Variants in SORCS1 observed in about 807,000 individuals in gnomAD.
The protein encoded by SORCS1 is sortilin related VPS10 domain containing receptor 1.
SORCS1 carries 60 observed loss-of-function variants against 146.1 expected under a neutral mutation model. That is an observed-to-expected ratio of 0.41 (90% CI 0.33 to 0.51). The LOEUF (loss-of-function observed/expected upper bound fraction) is 0.51, where lower values mean the gene tolerates loss of function less well. Ranked by LOEUF, SORCS1 falls within the 20% of genes least tolerant of loss-of-function variation. The pLI is 0.21. For missense variants in SORCS1, 1,352 were observed against 1,487.6 expected, an observed-to-expected ratio of 0.91 and a Z score of 1.50; for synonymous variants, 637 against 584.0, an observed-to-expected ratio of 1.09 and a Z score of -1.31.
chr10:106,782,076 C>T (rs1370874375), intron 3 of SORCS1, among the ~76,000 whole-genome samples: 8 of 152,036 alleles, frequency 5.3e-5, no homozygotes, highest in Non-Finnish European at 8.8e-5. Flanking sequence ...CACAAAATCG[C>T]GTCATTCAAT....
In SORCS1 at chr10:106,995,540, C is replaced by G. The variant is rs997180738; in HGVS notation, c.559-38960G>C. Among the ~76,000 whole-genome samples the G allele has an allele frequency of 2.0e-5, 3 of 152,078 alleles. No individual in the cohort carries two copies. The East Asian group carries it at 5.8e-4, about 29-fold the overall frequency. ...AGTTGGGAAGGTATGGGGAAAAAAACGTCCTGCGTGGCTGTGGAATTTTGC... is the reference window on the plus strand; with the variant it reads ...AGTTGGGAAGGTATGGGGAAAAAAAGGTCCTGCGTGGCTGTGGAATTTTGC... On this transcript the variant is annotated intron_variant, in intron 1 of 25. Transcript: ENST00000263054.
At chr10:107,087,793 G>A (rs1234734692) in intron 1 of SORCS1, among the ~76,000 whole-genome samples, 1 of 152,190 alleles carries the variant, frequency 6.6e-6, no homozygotes. Context: ...AATAAATATC[G>A]GCTTAGGCCT....
At chr10:106,629,008 C>T (rs1035591368) in intron 19 of SORCS1, among the ~76,000 whole-genome samples, 194 bp downstream of exon 19, 1 of 152,074 alleles carries the variant, frequency 6.6e-6, no homozygotes, top group South Asian at 2.1e-4. Flanking sequence ...CCAGAGAGTC[C>T]AGGATTAATC....
chr10:106,742,084 T>C (rs1325218574), intron 5 of SORCS1, among the ~76,000 whole-genome samples: 2 of 152,158 alleles, frequency 1.3e-5, no homozygotes, highest in Non-Finnish European at 2.9e-5. Flanking sequence ...ATCCAGTCAG[T>C]AAAGCTTGGA....
At chr10:106,774,091 T>A (rs1461981773) in intron 4 of SORCS1, among the ~76,000 whole-genome samples, 2 of 152,210 alleles carry the variant, frequency 1.3e-5, no homozygotes, top group African/African-American at 4.8e-5. Flanking sequence ...CTTGGCCTCA[T>A]ACAGAAAAAC....
At chr10:106,816,219 C>T (rs2136863187) in intron 3 of SORCS1, among the ~76,000 whole-genome samples, 1 of 152,294 alleles carries the variant, frequency 6.6e-6, no homozygotes, top group East Asian at 1.9e-4. Context: ...TTTTATTTCT[C>T]TAAATTAGCA....
At chr10:106,654,199 G>A (rs939797980) in intron 17 of SORCS1, among the ~76,000 whole-genome samples, 1 of 152,156 alleles carries the variant, frequency 6.6e-6, no homozygotes, top group African/African-American at 2.4e-5. Context: ...TTTAGAGAGT[G>A]CTTACTATGT....
chr10:106,942,413 T>C (rs1011465862), intron 2 of SORCS1, among the ~76,000 whole-genome samples: 2 of 152,140 alleles, frequency 1.3e-5, no homozygotes, highest in Non-Finnish European at 2.9e-5. Context: ...TGCCTTCTTG[T>C]GTGTTACACA....
chr10:106,706,473 G>T, intron 8 of SORCS1, 72 bp downstream of exon 8: 1 of 1,436,108 alleles, frequency 7.0e-7, no homozygotes, highest in Non-Finnish European at 9.8e-7. Flanking sequence ...AAGAGTCCTT[G>T]GGAAAGGGAT....
At chr10:106,992,604 C>G (rs1450796345) in intron 1 of SORCS1, among the ~76,000 whole-genome samples, 1 of 151,904 alleles carries the variant, frequency 6.6e-6, no homozygotes, top group Non-Finnish European at 1.5e-5. Context: ...CAGTGCTCCT[C>G]CCACCTCAGC....
intron 18 of SORCS1, among the ~76,000 whole-genome samples, chr10:106,632,291 C>T (rs566678952): frequency 7.0e-4 from 106 of 152,282 alleles, no homozygotes; most frequent in Non-Finnish European, 1.4e-3. Context: ...TGATTATATT[C>T]CTGCTGTCGC....
intron 1 of SORCS1, among the ~76,000 whole-genome samples, chr10:106,990,526 T>C (rs950876452): frequency 6.6e-6 from 1 of 152,150 alleles, no homozygotes; most frequent in African/African-American, 2.4e-5. Context: ...TGCCTCAGCC[T>C]CCCAAAGTGC....
chr10:107,062,176 G>T (rs891034961), intron 1 of SORCS1, among the ~76,000 whole-genome samples: 2 of 152,040 alleles, frequency 1.3e-5, no homozygotes, highest in African/African-American at 2.4e-5. Flanking sequence ...TAACTTCAAA[G>T]AGCTTAAATT....
At chr10:106,900,695 G>A (rs543906364) in intron 2 of SORCS1, among the ~76,000 whole-genome samples, 1 of 152,080 alleles carries the variant, frequency 6.6e-6, no homozygotes, top group African/African-American at 2.4e-5. Flanking sequence ...TATTTTCAGG[G>A]GTTGTCTTGC....
At chr10:107,167,641 A>G (rs1215129750), upstream of SORCS1, among the ~76,000 whole-genome samples, 1 of 152,138 alleles carries the variant, frequency 6.6e-6, no homozygotes, top group East Asian at 1.9e-4. Context: ...CACTCAGGTG[A>G]TCCATTTTTG....
intron 2 of SORCS1, among the ~76,000 whole-genome samples, chr10:106,933,263 A>C (rs1953511492): frequency 1.3e-5 from 2 of 152,192 alleles, no homozygotes; most frequent in Non-Finnish European, 2.9e-5. Flanking sequence ...TTTCCAGATT[A>C]AAATCACCTG....
chr10:106,725,980 A>G (rs1284203506), intron 6 of SORCS1, among the ~76,000 whole-genome samples: 1 of 151,582 alleles, frequency 6.6e-6, no homozygotes, highest in African/African-American at 2.4e-5. Context: ...TAACACAGAG[A>G]TATGAAATTC....
intron 1 of SORCS1, among the ~76,000 whole-genome samples, chr10:107,104,831 C>T (rs1016441703): frequency 1.3e-5 from 2 of 152,148 alleles, no homozygotes; most frequent in Admixed American, 1.3e-4. Flanking sequence ...TAGGAAAGAA[C>T]AGGTCAGCAG....
At chr10:106,763,200 T>C (rs1028068534) in intron 4 of SORCS1, among the ~76,000 whole-genome samples, 1 of 152,172 alleles carries the variant, frequency 6.6e-6, no homozygotes, top group African/African-American at 2.4e-5. Flanking sequence ...AAGAATAATA[T>C]ATAAACTCTG....
Sources: allele counts gnomAD v4.1 joint callset (sites outside exome capture counted in the v4.1 genomes callset), GRCh38; gene constraint gnomAD v4.1.1; transcripts MANE v1.5; gene names NCBI Gene and HGNC (gene_info 2026-07-23, HGNC 2026-07-21).